Variants in IL1RN observed in about 807,000 individuals in gnomAD.
The protein encoded by IL1RN is interleukin 1 receptor antagonist, also known as interleukin-1 receptor antagonist protein.
In IL1RN, 10 loss-of-function variants were observed where a neutral mutation model predicts 13.7. That is an observed-to-expected ratio of 0.73 (90% CI 0.45 to 1.24). The LOEUF (loss-of-function observed/expected upper bound fraction) is 1.24. Among genes scored for constraint, IL1RN ranks in the 50% most tolerant of loss-of-function variants. The pLI, the probability that IL1RN is intolerant of heterozygous loss-of-function variation, is 0.00. For missense variants in IL1RN, 213 were observed against 222.1 expected (o/e 0.96, Z 0.26); for synonymous variants, 102 against 82.7 (o/e 1.23, Z -1.27).
chr2:113,123,501 C>T (rs577464228), upstream of IL1RN, among the ~76,000 whole-genome samples: 51 of 152,308 alleles, frequency 3.3e-4, no homozygotes, highest in African/African-American at 1.2e-3. Context: ...TGAAGCCCTC[C>T]TCTGAATGAT....
At chr2:113,115,431 T>C (rs1477851044), upstream of IL1RN, 6 of 152,332 alleles carry the variant, frequency 3.9e-5, no homozygotes, top group African/African-American at 1.4e-4. Flanking sequence ...TAAACCTCAA[T>C]ATCTTGCTCC....
At chr2:113,107,907 G>A (rs1190618924), upstream of IL1RN, among the ~76,000 whole-genome samples, 1 of 152,182 alleles carries the variant, frequency 6.6e-6, no homozygotes, top group Non-Finnish European at 1.5e-5. Flanking sequence ...TGTTACAACT[G>A]ATAAGAATAT....
intron 1 of IL1RN, 97 bp downstream of exon 1, chr2:113,127,837 AG>A: frequency 8.1e-7 from 1 of 1,241,086 alleles, no homozygotes; most frequent in Non-Finnish European, 1.2e-6. Flanking sequence ...AGAGGGCCTG[AG>A]AACTGGGTTT....
At chr2:113,121,113 C>T (rs1268249232) in intron 2 of IL1RN, among the ~76,000 whole-genome samples, 3 of 140,242 alleles carry the variant, frequency 2.1e-5, no homozygotes, top group Admixed American at 7.5e-5. Flanking sequence ...TCTTCCTCTT[C>T]TTCCTCTTCC....
upstream of IL1RN, among the ~76,000 whole-genome samples, chr2:113,123,034 G>T (rs1309327976): frequency 1.3e-5 from 2 of 152,058 alleles, no homozygotes; most frequent in African/African-American, 4.8e-5. Flanking sequence ...TTGAGGCAGG[G>T]GAATTGCTTG....
upstream of IL1RN, among the ~76,000 whole-genome samples, chr2:113,122,628 T>C (rs1686815024): frequency 2.0e-5 from 3 of 152,252 alleles, no homozygotes; most frequent in South Asian, 6.2e-4. Flanking sequence ...ATCTGTCCAC[T>C]GTCTCCAACA....
chr2:113,102,639 G>C (rs992792320), upstream of IL1RN, among the ~76,000 whole-genome samples: 1 of 152,170 alleles, frequency 6.6e-6, no homozygotes, highest in Admixed American at 6.5e-5. Context: ...TCAGCGAAGG[G>C]AGATGGGGTG....
chr2:113,126,672 TCCTC>T (rs1296883153), upstream of IL1RN, among the ~76,000 whole-genome samples: 3 of 152,006 alleles, frequency 2.0e-5, no homozygotes, highest in Non-Finnish European at 2.9e-5. Flanking sequence ...TACACCTGCT[TCCTC>T]CCTCCCTCCC....
intron 1 of IL1RN, 46 bp downstream of exon 1, chr2:113,127,786 G>T (rs747022788): frequency 1.9e-6 from 3 of 1,591,216 alleles, no homozygotes; most frequent in East Asian, 2.2e-5. Flanking sequence ...ATCAGCTGGA[G>T]ACTGGAAACA....
chr2:113,121,751 C>A, intron 2 of IL1RN: 2 of 316,006 alleles, frequency 6.3e-6, no homozygotes, highest in Non-Finnish European at 9.2e-6. Flanking sequence ...AGCCTGGGGG[C>A]TGCAGCTTGG....
At chr2:113,121,322 G>A in intron 2 of IL1RN, 1 of 296,182 alleles carries the variant, frequency 3.4e-6, no homozygotes, top group Non-Finnish European at 5.0e-6. Context: ...ACTTTGCACA[G>A]CTGTTATGTG....
At chr2:113,132,055 T>C (rs901758366) in intron 3 of IL1RN, among the ~76,000 whole-genome samples, 1 of 152,192 alleles carries the variant, frequency 6.6e-6, no homozygotes, top group Non-Finnish European at 1.5e-5. Flanking sequence ...GATGGTGCCG[T>C]GTATTTACCA....
At chr2:113,110,540 C>G (rs1206813657), upstream of IL1RN, among the ~76,000 whole-genome samples, 13 of 152,168 alleles carry the variant, frequency 8.5e-5, no homozygotes, top group East Asian at 2.5e-3. Flanking sequence ...CTGTAGCTCC[C>G]AGTGCCCCCT....
chr2:113,123,189 C>A (rs1686839583), upstream of IL1RN, among the ~76,000 whole-genome samples: 1 of 152,144 alleles, frequency 6.6e-6, no homozygotes, highest in Non-Finnish European at 1.5e-5. Context: ...TTGTTTATGA[C>A]CAACTCTCCT....
upstream of IL1RN, among the ~76,000 whole-genome samples, chr2:113,109,072 C>G (rs1686429647): frequency 6.6e-6 from 1 of 151,614 alleles, no homozygotes; most frequent in African/African-American, 2.4e-5. Context: ...CACCAACACC[C>G]CACCCAAAAT....
upstream of IL1RN, among the ~76,000 whole-genome samples, chr2:113,104,149 T>C (rs1686353491): frequency 6.6e-6 from 1 of 151,986 alleles, no homozygotes; most frequent in Non-Finnish European, 1.5e-5. Flanking sequence ...GTCAAGAGAG[T>C]TCCTGAGAAA....
At chr2:113,120,220 T>A in intron 2 of IL1RN, 2 of 895,852 alleles carry the variant, frequency 2.2e-6, no homozygotes, top group South Asian at 1.3e-5. Flanking sequence ...AAATTAAAGA[T>A]GAATGGTTTA....
chr2:113,131,740 T>C (rs1475324398), intron 3 of IL1RN, among the ~76,000 whole-genome samples: 1 of 152,136 alleles, frequency 6.6e-6, no homozygotes, highest in African/African-American at 2.4e-5. Context: ...TTGACTCAAA[T>C]TGATTAGTTG....
At chr2:113,124,230 C>T (rs1019962746), upstream of IL1RN, among the ~76,000 whole-genome samples, 6 of 152,062 alleles carry the variant, frequency 3.9e-5, no homozygotes, top group African/African-American at 1.4e-4. Flanking sequence ...AAAGCTTCAT[C>T]CAGGAAGCAG....
Sources: allele counts gnomAD v4.1 joint callset (sites outside exome capture counted in the v4.1 genomes callset), GRCh38; gene constraint gnomAD v4.1.1; transcripts MANE v1.5; gene names NCBI Gene and HGNC (gene_info 2026-07-23, HGNC 2026-07-21).